Variants in PRICKLE1 observed in about 807,000 individuals in gnomAD.
PRICKLE1 encodes prickle-like protein 1.
Under a neutral mutation model 70.2 loss-of-function variants are expected in PRICKLE1, and 14 were observed. The ratio of observed to expected loss-of-function variants is 0.20; its 90% CI spans 0.13 to 0.31. PRICKLE1 has a LOEUF of 0.31. Ranked by LOEUF, PRICKLE1 falls within the 10% of genes least tolerant of loss-of-function variation. PRICKLE1 has a pLI of 1.00. For missense variants in PRICKLE1, 821 were observed against 1,026.2 expected (o/e 0.80, Z 2.73); for synonymous variants, 357 against 379.9 (o/e 0.94, Z 0.70).
chr12:42,504,618 G>T (rs550527125), intron 1 of PRICKLE1, among the ~76,000 whole-genome samples: 1 of 152,294 alleles, frequency 6.6e-6, no homozygotes, highest in African/African-American at 2.4e-5. Flanking sequence ...GGGGGAAAAT[G>T]GTGAGGGGCA....
intron 1 of PRICKLE1, among the ~76,000 whole-genome samples, chr12:42,567,971 A>C (rs571181516): frequency 1.3e-5 from 2 of 152,298 alleles, no homozygotes; most frequent in Admixed American, 1.3e-4. Context: ...ATTCTCAATA[A>C]TGTATGATTT....
chr12:42,532,631 C>T (rs1939939145), intron 1 of PRICKLE1, among the ~76,000 whole-genome samples: 1 of 152,222 alleles, frequency 6.6e-6, no homozygotes, highest in South Asian at 2.1e-4. Context: ...GGCGCGGTGG[C>T]TCACGCCTGT....
intron 1 of PRICKLE1, among the ~76,000 whole-genome samples, chr12:42,510,859 G>A (rs910780056): frequency 3.3e-5 from 5 of 152,176 alleles, no homozygotes; most frequent in Non-Finnish European, 7.3e-5. Context: ...AAAGTTGTGT[G>A]ATAAAAATGC....
Position 42,459,558 on chromosome 12 carries a change from T to C in PRICKLE1, c.*251A>G. ...GGACTGGAAAACCAAAGCAGCTACG[T>C]CCATCTGTAACGCACCCGCACCGGA... On this transcript the variant is annotated 3_prime_UTR_variant, in exon 8 of 8. Coordinates refer to ENST00000345127, the MANE Select transcript of PRICKLE1 (RefSeq NM_153026.3). The C allele has an allele frequency of 1.6e-6, 1 of 619,126 alleles. No homozygotes were observed. Among genetic ancestry groups the C allele is most frequent in the South Asian group, 1.9e-5 (1 of 51,866 alleles). 38.4% of individuals were successfully genotyped at this position (619,126 alleles called of 1,614,324 possible).
chr12:42,476,788 C>T (rs183458310), intron 1 of PRICKLE1, among the ~76,000 whole-genome samples: 293 of 152,190 alleles, frequency 1.9e-3, no homozygotes, highest in Middle Eastern at 6.8e-3. Flanking sequence ...GGTGGGACCA[C>T]GGGCATGTGC....
chr12:42,507,780 A>G (rs1939444647), intron 1 of PRICKLE1, among the ~76,000 whole-genome samples: 1 of 152,240 alleles, frequency 6.6e-6, no homozygotes, highest in Admixed American at 6.5e-5. Context: ...ACAGAAGATG[A>G]CTATAGTCAG....
intron 1 of PRICKLE1, among the ~76,000 whole-genome samples, chr12:42,565,224 C>T (rs143559928): frequency 1.7e-3 from 260 of 152,284 alleles, no homozygotes; most frequent in African/African-American, 5.7e-3. Flanking sequence ...GGAAGTGGGG[C>T]GGCCATCAGC....
chr12:42,552,483 G>A (rs2406870), intron 1 of PRICKLE1, among the ~76,000 whole-genome samples: 39,575 of 152,172 alleles, frequency 0.26, 6,166 homozygotes, highest in Admixed American at 0.4. Context: ...CCAGAGCCCC[G>A]AACAGAGCAA....
At chr12:42,549,859 A>C (rs1355114328) in intron 1 of PRICKLE1, among the ~76,000 whole-genome samples, 1 of 152,214 alleles carries the variant, frequency 6.6e-6, no homozygotes, top group Non-Finnish European at 1.5e-5. Context: ...TTCTGGCAAC[A>C]TCTAATTACC....
chr12:42,526,926 A>C (rs372810087), intron 1 of PRICKLE1, among the ~76,000 whole-genome samples: 1 of 152,032 alleles, frequency 6.6e-6, no homozygotes, highest in African/African-American at 2.4e-5. Context: ...GAATCAAGAG[A>C]CTATGTATGC....
chr12:42,581,155 A>T (rs1485527487), intron 1 of PRICKLE1, among the ~76,000 whole-genome samples: 4 of 152,164 alleles, frequency 2.6e-5, no homozygotes, highest in Admixed American at 2.0e-4. Flanking sequence ...ACTGCATTAA[A>T]ATCTGTGTAT....
intron 1 of PRICKLE1, among the ~76,000 whole-genome samples, chr12:42,528,641 G>A (rs1274151493): frequency 6.6e-6 from 1 of 152,174 alleles, no homozygotes; most frequent in Non-Finnish European, 1.5e-5. Flanking sequence ...TATTAAACAT[G>A]TGAACCATCA....
At chr12:42,564,173 G>GCT (rs1940578826) in intron 1 of PRICKLE1, among the ~76,000 whole-genome samples, 2 of 145,668 alleles carry the variant, frequency 1.4e-5, no homozygotes, top group African/African-American at 2.5e-5. Context: ...CAGGAGAATC[G>GCT]TGAACCCGGG....
At chr12:42,578,743 T>TTTTTTTTA (rs1555241839) in intron 1 of PRICKLE1, among the ~76,000 whole-genome samples, 1 of 146,274 alleles carries the variant, frequency 6.8e-6, no homozygotes, top group East Asian at 2.0e-4. Context: ...GTTTATTTCA[T>TTTTTTTTA]TTTATTTATT....
chr12:42,541,335 T>A (rs1940110874), intron 1 of PRICKLE1, among the ~76,000 whole-genome samples: 1 of 151,782 alleles, frequency 6.6e-6, no homozygotes, highest in East Asian at 2.0e-4. Flanking sequence ...AACTCTACTC[T>A]TCTCTTTTTT....
At chr12:42,498,943 T>A (rs182930117) in intron 1 of PRICKLE1, among the ~76,000 whole-genome samples, 5 of 152,238 alleles carry the variant, frequency 3.3e-5, no homozygotes, top group Admixed American at 2.6e-4. Flanking sequence ...GAGCTCTCAC[T>A]GCTCCAGAAC....
At chr12:42,488,749 G>C (rs1939033203) in intron 1 of PRICKLE1, among the ~76,000 whole-genome samples, 1 of 152,004 alleles carries the variant, frequency 6.6e-6, no homozygotes, top group South Asian at 2.1e-4. Flanking sequence ...GTAATATTTG[G>C]TAAGCTGACA....
intron 1 of PRICKLE1, among the ~76,000 whole-genome samples, chr12:42,550,758 CTT>C (rs1940301050): frequency 6.6e-6 from 1 of 152,186 alleles, no homozygotes; most frequent in African/African-American, 2.4e-5. Context: ...TTAGCAGTAA[CTT>C]AGCTTTGAGA....
At chr12:42,575,453 G>A (rs1940787868) in intron 1 of PRICKLE1, among the ~76,000 whole-genome samples, 1 of 152,154 alleles carries the variant, frequency 6.6e-6, no homozygotes, top group Admixed American at 6.5e-5. Flanking sequence ...CCAGCACTTT[G>A]GGAGGCCGAG....
Sources: allele counts gnomAD v4.1 joint callset (sites outside exome capture counted in the v4.1 genomes callset), GRCh38; gene constraint gnomAD v4.1.1; transcripts MANE v1.5; gene names NCBI Gene and HGNC (gene_info 2026-07-23, HGNC 2026-07-21).